Variants in SAMD11 observed in about 807,000 individuals in gnomAD.
SAMD11 encodes the protein sterile alpha motif domain-containing protein 11.
In SAMD11, 77 loss-of-function variants were observed where a neutral mutation model predicts 64.4. The observed-to-expected ratio is 1.20, with a 90% CI of 0.99 to 1.44. SAMD11 has a LOEUF of 1.44. SAMD11 is among the 40% of genes most tolerant of loss of function. The pLI is 0.00. For synonymous variants in SAMD11, 658 were observed against 421.9 expected, an observed-to-expected ratio of 1.56 and a Z score of -6.86; for missense variants, 1,402 against 943.3, an observed-to-expected ratio of 1.49 and a Z score of -6.37.
Position 939,142 on chromosome 1 carries a change from C to G in SAMD11, c.1057+13C>G, listed in dbSNP as rs747280106. On this transcript the variant is annotated intron_variant, in intron 6 of 13. Transcript: ENST00000616016. ...GAATCGCCTCAAGGTAAGAGCGTGG[C>G]TGGGACGAGAGACAGGTCACCAGGG... is the stretch of plus-strand genomic sequence containing the variant. 2 of 1,573,918 alleles carry G rather than the reference C, an allele frequency of 1.3e-6. No homozygotes were observed. The highest frequency in any genetic ancestry group is 3.3e-4 in the Middle Eastern group (2 of 6,022).
At chr1:928,178 G>T (rs759397701) in intron 2 of SAMD11, among the ~76,000 whole-genome samples, 4 of 152,224 alleles carry the variant, frequency 2.6e-5, no homozygotes, top group Middle Eastern at 3.2e-3. Context: ...CGGATCACGA[G>T]GTCAGGAGAT....
At chr1:925,695 T>C (rs1327910405) in intron 1 of SAMD11, 1 of 476,950 alleles carries the variant, frequency 2.1e-6, no homozygotes, top group Non-Finnish European at 3.8e-6. Context: ...GCCCAGGCCC[T>C]TCGTCGGGGG....
chr1:944,037 G>A lies in SAMD11; in HGVS notation c.2419G>A (p.Ala807Thr). 1 of 1,612,822 alleles carries A rather than the reference G, an allele frequency of 6.2e-7. No homozygotes were observed. The highest frequency in any genetic ancestry group is 1.3e-5 in the African/African-American group (1 of 75,052). ...TGEQPLSPTT[A>T]TSPYGGGHAL... Reference sequence around the variant, plus strand: ...AGAGCAGCCCTTGTCCCCCACGACGGCCACGTCCCCCTATGGAGGGGGCCA... The same window carrying A: ...AGAGCAGCCCTTGTCCCCCACGACGACCACGTCCCCCTATGGAGGGGGCCA... Residue 807 changes from alanine to threonine, a missense_variant, in exon 14 of 14, where the codon GCC (alanine) becomes ACC (threonine). Coordinates refer to ENST00000616016, the MANE Select transcript of SAMD11 (RefSeq NM_001385641.1).
chr1:942,979 C>A lies in SAMD11; in HGVS notation c.1974C>A (p.Gly658=). Residue 658 remains glycine (G), a synonymous_variant, in exon 11 of 14, where the codon GGC becomes GGA. Transcript: ENST00000616016. The part of the protein sequence containing the change: ...TPGQAPAGGA[G]AEGKGLFPGS... ...GCCAAGCTCCAGCTGGAGGGGCCGG[C>A]GCCGAGGGGAAGGGGCTTTTCCCAG... is the stretch of plus-strand genomic sequence containing the variant. 1 of 1,534,402 alleles carries A rather than the reference C, an allele frequency of 6.5e-7. No individual in the cohort carries two copies. Among genetic ancestry groups the A allele is most frequent in the Non-Finnish European group, 8.8e-7 (1 of 1,142,820 alleles).
intron 12 of SAMD11, 21 bp downstream of exon 12, chr1:943,398 C>T (rs1641932363): frequency 6.6e-7 from 1 of 1,514,392 alleles, no homozygotes; most frequent in Non-Finnish European, 8.9e-7. Context: ...GCCCCAGTTC[C>T]TGGGGCGGGG....
Position 944,243 on chromosome 1 carries a change from G to C in SAMD11, c.*90G>C, listed in dbSNP as rs1249636963. 3 of 1,448,574 alleles carry C rather than the reference G, an allele frequency of 2.1e-6. No individual in the cohort carries two copies. The highest frequency in any genetic ancestry group is 3.4e-5 in the South Asian group (2 of 58,892). 89.7% of individuals were successfully genotyped at this position (1,448,574 alleles called of 1,614,324 possible). A position where few individuals can be genotyped will look rare whatever the true frequency, so the allele number is the denominator to read the frequency against. Reference sequence around the variant, plus strand: ...TGCCTCCCACCGCTTTATTTCTTTCGGTTTCGGATGCAAAACAAAAAATTT... The same window carrying C: ...TGCCTCCCACCGCTTTATTTCTTTCCGTTTCGGATGCAAAACAAAAAATTT... On this transcript the variant is annotated 3_prime_UTR_variant, in exon 14 of 14. Transcript: ENST00000616016.
At chr1:928,243 T>C (rs1483829388) in intron 2 of SAMD11, among the ~76,000 whole-genome samples, 2 of 151,750 alleles carry the variant, frequency 1.3e-5, no homozygotes, top group African/African-American at 4.9e-5. Context: ...ATACAAAAAA[T>C]TAGCCGGGCG....
intron 2 of SAMD11, among the ~76,000 whole-genome samples, chr1:929,534 C>G (rs3128123): frequency 1.3e-5 from 2 of 152,206 alleles, no homozygotes; most frequent in Non-Finnish European, 2.9e-5. Flanking sequence ...TAGAAAAGGG[C>G]ATTCGCTTGT....
At chr1:930,014 CG>C in intron 2 of SAMD11, 140 bp from the exon 3 acceptor site, 1 of 1,003,118 alleles carries the variant, frequency 1.0e-6, no homozygotes. Flanking sequence ...GCACCTCTGC[CG>C]TGCTTGGGGC....
chr1:940,746 A>G (rs977377850), intron 7 of SAMD11, among the ~76,000 whole-genome samples: 6 of 152,070 alleles, frequency 3.9e-5, no homozygotes, highest in Non-Finnish European at 8.8e-5. Flanking sequence ...TGGGGACCTC[A>G]GATTTTCTTG....
Position 944,254 on chromosome 1 carries a change from C to G in SAMD11, c.*101C>G. 1 of 1,449,990 alleles carries G rather than the reference C, an allele frequency of 6.9e-7. No individual in the cohort carries two copies. The highest frequency in any genetic ancestry group is 9.1e-7 in the Non-Finnish European group (1 of 1,102,350). 89.8% of individuals were successfully genotyped at this position (1,449,990 alleles called of 1,614,324 possible). A position where few individuals can be genotyped will look rare whatever the true frequency, so the allele number is the denominator to read the frequency against. Reference sequence around the variant, plus strand: ...GCTTTATTTCTTTCGGTTTCGGATGCAAAACAAAAAATTTTAAAAGAAAAT... The same window carrying G: ...GCTTTATTTCTTTCGGTTTCGGATGGAAAACAAAAAATTTTAAAAGAAAAT... On this transcript the variant is annotated 3_prime_UTR_variant, in exon 14 of 14. Coordinates refer to ENST00000616016, the MANE Select transcript of SAMD11 (RefSeq NM_001385641.1).
At chr1:928,263 G>A (rs1313142123) in intron 2 of SAMD11, among the ~76,000 whole-genome samples, 3 of 152,190 alleles carry the variant, frequency 2.0e-5, no homozygotes, top group South Asian at 4.1e-4. Flanking sequence ...GTGGTGGCGG[G>A]TGCCTGTAGT....
chr1:931,301 C>T (rs1005012799), intron 4 of SAMD11, among the ~76,000 whole-genome samples: 1 of 152,188 alleles, frequency 6.6e-6, no homozygotes, highest in Non-Finnish European at 1.5e-5. Flanking sequence ...ACTGAGGGAC[C>T]CCAGACCCAG....
chr1:935,911 G>C lies in SAMD11; in HGVS notation c.967+15G>C, dbSNP rs1334409529. 1 of 1,611,566 alleles carries C rather than the reference G, an allele frequency of 6.2e-7. No homozygotes were observed. Among genetic ancestry groups the C allele is most frequent in the Middle Eastern group, 1.7e-4 (1 of 5,948 alleles). ...GCGACCCGCCGGTGAGGAGCACAGG[G>C]GGCCTGAGGGCGGGGTCGGGGCTGT... On this transcript the variant is annotated intron_variant, in intron 5 of 13. Transcript: ENST00000616016.
rs1349117911 is a variant in SAMD11 at position 931,071 on chromosome 1, T to C, written c.824T>C (p.Phe275Ser). 2 of 1,612,700 alleles carry C rather than the reference T, an allele frequency of 1.2e-6. No homozygotes were observed. ...VHTHWDVNIS[F>S]REASCSQDGN... ...ACCCACTGGGACGTGAACATCTCTT[T>C]CCGAGAGGCGTCCTGCAGGTAGGAG... Residue 275 changes from phenylalanine (F) to serine (S), a missense_variant, in exon 4 of 14, where the codon TTC becomes TCC. By Grantham distance (155) the Phe-to-Ser change is radical. Transcript: ENST00000616016.
At chr1:936,940 C>T (rs1362771799) in intron 5 of SAMD11, among the ~76,000 whole-genome samples, 4 of 152,304 alleles carry the variant, frequency 2.6e-5, no homozygotes, top group Non-Finnish European at 5.9e-5. Flanking sequence ...CTCAGGTACA[C>T]GCGTGTGCGT....
intron 7 of SAMD11, chr1:940,484 G>T (rs977314038): frequency 6.6e-6 from 1 of 152,202 alleles, no homozygotes; most frequent in African/African-American, 2.4e-5. Context: ...ATAAACAGAG[G>T]CGGCGGTGGA....
In SAMD11 at chr1:942,311, GC is replaced by G; in HGVS notation, c.1474+64del. The G allele has an allele frequency of 3.8e-6, 4 of 1,052,768 alleles. No individual in the cohort carries two copies. The South Asian group carries it at 8.1e-5, about 21-fold the overall frequency. The allele number at this position is 1,052,768 out of a possible 1,614,324, so 65.2% of individuals were successfully genotyped here. A position where few individuals can be genotyped will look rare whatever the true frequency, so the allele number is the denominator to read the frequency against. ...CGTGGAGGCTCGCGGACCCGGCCCTGCCCCTGTCGGAGCCGAGACGGACCGG... is the reference window on the plus strand; with the variant it reads ...CGTGGAGGCTCGCGGACCCGGCCCTGCCCTGTCGGAGCCGAGACGGACCGG... On this transcript the variant is annotated intron_variant, in intron 9 of 13. Transcript: ENST00000616016.
intron 2 of SAMD11, among the ~76,000 whole-genome samples, chr1:927,636 C>T (rs1333805282): frequency 6.6e-6 from 1 of 152,258 alleles, no homozygotes; most frequent in East Asian, 1.9e-4. Flanking sequence ...AATCCGCAGG[C>T]ATGTGCACCT....
Sources: allele counts gnomAD v4.1 joint callset (sites outside exome capture counted in the v4.1 genomes callset), GRCh38; gene constraint gnomAD v4.1.1; transcripts MANE v1.5; gene names NCBI Gene and HGNC (gene_info 2026-07-23, HGNC 2026-07-21).